SLC9B2: variants seen among roughly 807,000 people sequenced by gnomAD.
SLC9B2 encodes solute carrier family 9 member B2.
Under a neutral mutation model 52.2 loss-of-function variants are expected in SLC9B2, and 39 were observed. The observed-to-expected ratio is 0.75, with a 90% CI of 0.58 to 0.98. SLC9B2 has a LOEUF of 0.98. Among genes scored for constraint, SLC9B2 ranks in the 50% least tolerant of loss-of-function variants. SLC9B2 has a pLI of 0.00. For missense variants in SLC9B2, 626 were observed against 637.5 expected (o/e 0.98, Z 0.19); for synonymous variants, 214 against 227.0 (o/e 0.94, Z 0.51).
chr4:103,060,256 T>A, intron 3 of SLC9B2, among the ~76,000 whole-genome samples: 1 of 151,922 alleles, frequency 6.6e-6, no homozygotes, highest in East Asian at 1.9e-4. Flanking sequence ...GCATTCTAGA[T>A]AATCTCTTCA....
At chr4:103,041,469 C>T (rs1297856913) in intron 9 of SLC9B2, among the ~76,000 whole-genome samples, 4 of 152,118 alleles carry the variant, frequency 2.6e-5, no homozygotes, top group African/African-American at 4.8e-5. Flanking sequence ...ACAGTGTAAT[C>T]GGAAGTGATC....
intron 7 of SLC9B2, among the ~76,000 whole-genome samples, chr4:103,046,761 C>CACACA (rs1214531191): frequency 2.6e-4 from 40 of 151,848 alleles, no homozygotes; most frequent in Middle Eastern, 3.4e-3. Flanking sequence ...TGTGTGAAGC[C>CACACA]TGAACGTTCC....
intron 2 of SLC9B2, among the ~76,000 whole-genome samples, chr4:103,066,989 T>TA (rs758350083): frequency 0.013 from 1,848 of 143,386 alleles, 28 homozygotes; most frequent in African/African-American, 0.031. Context: ...ATGCAAATAT[T>TA]AAAAAAAAAA....
chr4:103,041,128 A>G (rs1281295105), intron 9 of SLC9B2, among the ~76,000 whole-genome samples: 1 of 152,182 alleles, frequency 6.6e-6, no homozygotes, highest in Admixed American at 6.5e-5. Flanking sequence ...TTTTACTGTT[A>G]GGAATATTCC....
rs558306724 is a variant in SLC9B2, at chr4:103,046,130, T to C, written c.889+921A>G. Reference sequence around the variant, plus strand: ...TGGGATTCTAGGTAACAGGCATAAATCATACACAATCACAGAATGGGGAGA... The same window carrying C: ...TGGGATTCTAGGTAACAGGCATAAACCATACACAATCACAGAATGGGGAGA... On this transcript the variant is annotated intron_variant, in intron 7 of 11. Transcript: ENST00000394785. Among the ~76,000 whole-genome samples, 5 of 152,222 alleles carry C rather than the reference T, an allele frequency of 3.3e-5. No individual in the cohort carries two copies. In the East Asian group the frequency reaches 9.6e-4, roughly 29 times the overall value.
In SLC9B2 at chr4:103,057,782, G is replaced by C. The variant is rs1477484018; in HGVS notation, c.442+19C>G. 1.2e-6 allele frequency: 2 copies of C among 1,607,142 alleles called. No homozygotes were observed. The highest frequency in any genetic ancestry group is 2.7e-5 in the African/African-American group (2 of 74,456). ...AATATAGTTTACTCTGGATAGAACAGGAAACATTTAGCACTTACCAAGAAG... is the reference window on the plus strand; with the variant it reads ...AATATAGTTTACTCTGGATAGAACACGAAACATTTAGCACTTACCAAGAAG... On this transcript the variant is annotated intron_variant, in intron 4 of 11. Coordinates refer to ENST00000394785, the MANE Select transcript of SLC9B2 (RefSeq NM_178833.7).
intron 1 of SLC9B2, among the ~76,000 whole-genome samples, chr4:103,073,661 G>A (rs764982590): frequency 6.6e-6 from 1 of 152,186 alleles, no homozygotes; most frequent in Non-Finnish European, 1.5e-5. Flanking sequence ...ATTGACTCAT[G>A]AAGGAAAACA....
intron 3 of SLC9B2, 43 bp from the exon 4 acceptor site, chr4:103,058,014 A>C (rs760282751): frequency 2.6e-5 from 40 of 1,530,450 alleles, no homozygotes; most frequent in Non-Finnish European, 3.3e-5. Flanking sequence ...ATAAGTTGTC[A>C]CATGGAGGTT....
chr4:103,043,136 G>GA (rs892539918), intron 9 of SLC9B2, among the ~76,000 whole-genome samples, 160 bp downstream of exon 9: 3 of 151,570 alleles, frequency 2.0e-5, no homozygotes, highest in South Asian at 4.2e-4. Flanking sequence ...TGTGTAAGGG[G>GA]AAAAAAAAGA....
At chr4:103,065,176 A>ACATG (rs1337456538) in intron 3 of SLC9B2, among the ~76,000 whole-genome samples, 2 of 93,400 alleles carry the variant, frequency 2.1e-5, no homozygotes, top group East Asian at 3.3e-4. Flanking sequence ...AAATGTACAC[A>ACATG]CACGCACACA....
intron 3 of SLC9B2, among the ~76,000 whole-genome samples, chr4:103,061,702 C>T (rs1397234887): frequency 6.6e-6 from 1 of 152,104 alleles, no homozygotes; most frequent in African/African-American, 2.4e-5. Context: ...TAGAAACCTC[C>T]AGGGTGGGGC....
intron 11 of SLC9B2, among the ~76,000 whole-genome samples, chr4:103,027,692 C>T (rs935533727): frequency 6.6e-6 from 1 of 152,004 alleles, no homozygotes; most frequent in Non-Finnish European, 1.5e-5. Flanking sequence ...CATGAATGAC[C>T]CCTTTCCCTT....
intron 3 of SLC9B2, among the ~76,000 whole-genome samples, chr4:103,059,162 C>G (rs550110319): frequency 1.3e-5 from 2 of 152,244 alleles, no homozygotes; most frequent in East Asian, 3.9e-4. Context: ...TTGGGGCAGA[C>G]CACTCAAAAC....
chr4:103,058,682 G>A (rs1342562220), intron 3 of SLC9B2, among the ~76,000 whole-genome samples: 2 of 152,138 alleles, frequency 1.3e-5, no homozygotes, highest in Non-Finnish European at 2.9e-5. Flanking sequence ...GATTACTGGT[G>A]TGAACCTCCT....
chr4:103,020,587 TC>T (rs1339786829), downstream of SLC9B2, among the ~76,000 whole-genome samples: 1 of 152,168 alleles, frequency 6.6e-6, no homozygotes, highest in Non-Finnish European at 1.5e-5. Flanking sequence ...TAAGATCTGA[TC>T]CAAATTACCG....
chr4:103,019,522 C>T, downstream of SLC9B2: 1 of 960,216 alleles, frequency 1.0e-6, no homozygotes, highest in Non-Finnish European at 1.2e-6. Context: ...CGGCCTACCG[C>T]AAGGAAACGA....
chr4:103,075,214 A>G (rs1221767645), intron 1 of SLC9B2, among the ~76,000 whole-genome samples: 1 of 152,116 alleles, frequency 6.6e-6, no homozygotes, highest in African/African-American at 2.4e-5. Flanking sequence ...CAGTGGCACA[A>G]TCTTGGCTCA....
At chr4:103,044,868 T>C in intron 8 of SLC9B2, 22 bp downstream of exon 8, 1 of 1,556,628 alleles carries the variant, frequency 6.4e-7, no homozygotes, top group Non-Finnish European at 8.9e-7. Flanking sequence ...AGCACAACTT[T>C]CCCACATATT....
intron 3 of SLC9B2, among the ~76,000 whole-genome samples, chr4:103,063,991 A>G (rs1474955616): frequency 1.3e-5 from 2 of 152,242 alleles, no homozygotes; most frequent in Non-Finnish European, 1.5e-5. Flanking sequence ...AAGACAAAAG[A>G]TAACAAGGGG....
Sources: allele counts gnomAD v4.1 joint callset (sites outside exome capture counted in the v4.1 genomes callset), GRCh38; gene constraint gnomAD v4.1.1; transcripts MANE v1.5; gene names NCBI Gene and HGNC (gene_info 2026-07-23, HGNC 2026-07-21).